The following PRKDC variants were observed in gnomAD, a reference collection of about 807,000 sequenced individuals.
PRKDC encodes the protein DNA-dependent protein kinase catalytic subunit.
In PRKDC, 82 loss-of-function variants were observed where a neutral mutation model predicts 486.9. The observed-to-expected ratio is 0.17, with a 90% CI of 0.14 to 0.20. PRKDC has a LOEUF of 0.20. Among genes scored for constraint, PRKDC ranks in the 10% least tolerant of loss-of-function variants. PRKDC has a pLI of 1.00. For missense variants in PRKDC, 4,504 were observed against 5,038.2 expected (o/e 0.89, Z 3.21); for synonymous variants, 1,895 against 1,837.0 (o/e 1.03, Z -0.81).
chr8:47,880,189 C>T (rs1191516114), intron 38 of PRKDC, among the ~76,000 whole-genome samples: 3 of 152,202 alleles, frequency 2.0e-5, no homozygotes, highest in Middle Eastern at 3.4e-3. Context: ...AGTTGGTTGA[C>T]GCCAGCTATG....
intron 41 of PRKDC, 123 bp from the exon 42 acceptor site, chr8:47,863,700 T>G: frequency 1.3e-6 from 1 of 779,784 alleles, no homozygotes; most frequent in South Asian, 2.1e-5. Flanking sequence ...TCAAAAATGC[T>G]AAATCACTTC....
intron 7 of PRKDC, among the ~76,000 whole-genome samples, chr8:47,948,545 C>T (rs1407555423): frequency 3.3e-5 from 5 of 150,214 alleles, no homozygotes; most frequent in African/African-American, 9.8e-5. Context: ...CTGCAACCTC[C>T]GCCTCCCAGG....
intron 40 of PRKDC, among the ~76,000 whole-genome samples, chr8:47,866,021 T>C (rs2088800931): frequency 6.6e-6 from 1 of 151,896 alleles, no homozygotes; most frequent in African/African-American, 2.4e-5. Flanking sequence ...CCAGGCATGG[T>C]GGCAAATGCC....
chr8:47,947,426 G>A (rs2090552725), intron 7 of PRKDC, among the ~76,000 whole-genome samples: 1 of 152,174 alleles, frequency 6.6e-6, no homozygotes, highest in Admixed American at 6.5e-5. Flanking sequence ...TAGGAACTTG[G>A]TGATTTCAAT....
chr8:47,939,962 A>C (rs35489137), intron 10 of PRKDC: 367 of 234,460 alleles, frequency 1.6e-3, no homozygotes, highest in South Asian at 3.3e-3. Flanking sequence ...AAAAAAAAAA[A>C]AAAAAAAACC....
At chr8:47,897,380 T>G in intron 29 of PRKDC, 86 bp from the exon 30 acceptor site, 4 of 1,288,442 alleles carry the variant, frequency 3.1e-6, no homozygotes, top group Middle Eastern at 2.0e-4. Flanking sequence ...AAACTCATCT[T>G]TATCACACAG....
chr8:47,842,030 G>A (rs535052205), intron 54 of PRKDC, among the ~76,000 whole-genome samples: 19 of 152,302 alleles, frequency 1.2e-4, no homozygotes, highest in Non-Finnish European at 8.8e-5. Context: ...AGACCACCCA[G>A]AGACATACCC....
At chr8:47,909,811 G>A (rs2089862647) in intron 25 of PRKDC, among the ~76,000 whole-genome samples, 2 of 152,128 alleles carry the variant, frequency 1.3e-5, no homozygotes, top group South Asian at 4.1e-4. Context: ...GTACCCTCAG[G>A]CTTACCAGGA....
Position 47,774,094 on chromosome 8 carries a change from C to T in PRKDC, c.*79G>A. 7.2e-7 allele frequency: 1 copy of T among 1,383,986 alleles called. No homozygotes were observed. The allele number at this position is 1,383,986 out of a possible 1,614,324, so 85.7% of individuals were successfully genotyped here. ...CTCTTTAGTGTTTCAGGAAAATCAG[C>T]TCATGGAATGCTGCCAACCAAAGTA... On this transcript the variant is annotated 3_prime_UTR_variant, in exon 86 of 86. Transcript: ENST00000314191.
rs752004245 is a variant in PRKDC, at chr8:47,858,836, G to C, written c.6345+13C>G. The C allele has an allele frequency of 1.6e-5, 26 of 1,611,482 alleles. 1 individual carries two copies. The highest frequency in any genetic ancestry group is 1.8e-5 in the Non-Finnish European group (21 of 1,178,174). ...AATATAGTATTAACAGGTAAGATGAGTGGGAAAAGCACCTCTTCTCCTTGA... is the reference window on the plus strand; with the variant it reads ...AATATAGTATTAACAGGTAAGATGACTGGGAAAAGCACCTCTTCTCCTTGA... On this transcript the variant is annotated intron_variant, in intron 47 of 85. Transcript: ENST00000314191.
chr8:47,833,211 T>A (rs868199073), intron 59 of PRKDC, among the ~76,000 whole-genome samples: 1 of 152,232 alleles, frequency 6.6e-6, no homozygotes, highest in Non-Finnish European at 1.5e-5. Flanking sequence ...CACAGGTTTG[T>A]GACTGAAAAG....
intron 37 of PRKDC, 39 bp from the exon 38 acceptor site, chr8:47,881,559 T>G (rs768936664): frequency 4.8e-6 from 5 of 1,038,088 alleles, no homozygotes; most frequent in Middle Eastern, 2.1e-4. Flanking sequence ...CATTTGTATA[T>G]TACATCTCTA....
At position 47,782,801 on chromosome 8, in the gene PRKDC, T is replaced by C. The variant is rs1589692052; in HGVS notation, c.11176-203A>G. 1.7e-6 allele frequency: 1 copy of C among 595,254 alleles called. No individual in the cohort carries two copies. Among genetic ancestry groups the C allele is most frequent in the South Asian group, 2.1e-5 (1 of 47,672 alleles). 36.9% of individuals were successfully genotyped at this position (595,254 alleles called of 1,614,324 possible). On this transcript the variant is annotated intron_variant, in intron 78 of 85. Transcript: ENST00000314191. The surrounding 1 kb of genome is among the most constrained non-coding windows in gnomAD (Gnocchi z 4.9). ...GCCCGCAGAAATGTTGTATTCCTGA[T>C]TATAAATACTTGCTTATGAATGTGG...
intron 60 of PRKDC, 98 bp from the exon 61 acceptor site, chr8:47,830,834 G>A: frequency 6.7e-7 from 1 of 1,484,694 alleles, no homozygotes; most frequent in Non-Finnish European, 9.3e-7. Context: ...TGAACCATGA[G>A]GGCGAAGTGG....
In PRKDC at chr8:47,798,288, A is replaced by T; in HGVS notation, c.10407T>A (p.Leu3469=). Residue 3469 remains leucine (L), a synonymous_variant, in exon 73 of 86, where the codon CTT becomes CTA. Coordinates refer to ENST00000314191, the MANE Select transcript of PRKDC (RefSeq NM_006904.7). The stretch of plus-strand genomic sequence containing the variant: ...CCTCTGGATACCGTTCTATAATCTG[A>T]AGTAATCTAGGAAACTTCAATCTGG... The part of the protein sequence containing the change: ...NEARLKFPRL[L]QIIERYPEET... 6.2e-7 allele frequency: 1 copy of T among 1,613,838 alleles called. No homozygotes were observed. Among genetic ancestry groups the T allele is most frequent in the Non-Finnish European group, 8.5e-7 (1 of 1,179,862 alleles).
chr8:47,840,568 A>G (rs1476876048), intron 54 of PRKDC, among the ~76,000 whole-genome samples: 2 of 152,234 alleles, frequency 1.3e-5, no homozygotes, highest in East Asian at 3.8e-4. Flanking sequence ...ACTATCTTTC[A>G]ACTTTTCTGT....
At chr8:47,803,612 A>G (rs891142746) in intron 69 of PRKDC, 132 bp from the exon 70 acceptor site, 3 of 780,186 alleles carry the variant, frequency 3.8e-6, no homozygotes, top group Non-Finnish European at 6.4e-6. Flanking sequence ...TTTAGCTTCA[A>G]TTATGTCTCT....
At chr8:47,855,842 G>T (rs957651737) in intron 49 of PRKDC, among the ~76,000 whole-genome samples, 1 of 152,184 alleles carries the variant, frequency 6.6e-6, no homozygotes, top group Non-Finnish European at 1.5e-5. Flanking sequence ...AATCCATCTG[G>T]CTGCTGAGCA....
At chr8:47,896,170 T>C (rs1226598548) in intron 30 of PRKDC, among the ~76,000 whole-genome samples, 1 of 151,944 alleles carries the variant, frequency 6.6e-6, no homozygotes, top group Non-Finnish European at 1.5e-5. Flanking sequence ...ATAGCATATA[T>C]AAAATAATCT....
Sources: allele counts gnomAD v4.1 joint callset (sites outside exome capture counted in the v4.1 genomes callset), GRCh38; gene constraint gnomAD v4.1.1; non-coding constraint Gnocchi (gnomAD v3.1); transcripts MANE v1.5; gene names NCBI Gene and HGNC (gene_info 2026-07-23, HGNC 2026-07-21).